The following BPIFB6 variants were observed in gnomAD, a reference collection of about 807,000 sequenced individuals.
The protein encoded by BPIFB6 is BPI fold containing family B member 6, also known as BPI fold-containing family B member 6.
Under a neutral mutation model 54.7 loss-of-function variants are expected in BPIFB6, and 47 were observed. The observed-to-expected ratio is 0.86, with a 90% CI of 0.68 to 1.10. The LOEUF (loss-of-function observed/expected upper bound fraction) is 1.10, where lower values mean the gene tolerates loss of function less well. Among genes scored for constraint, BPIFB6 ranks in the 50% least tolerant of loss-of-function variants. BPIFB6 has a pLI of 0.00. For synonymous variants in BPIFB6, 255 were observed against 225.9 expected (o/e 1.13, Z -1.16); for missense variants, 603 against 564.1 (o/e 1.07, Z -0.70).
chr20:33,040,316 C>T lies in BPIFB6; in HGVS notation c.1140C>T (p.Asp380=). The change falls in exon 11 of 15, where the codon GAC becomes GAT. Residue 380 remains aspartate, a splice_region_variant and synonymous_variant. Transcript: ENST00000349552. ...ENQLQMATSL[D]RLLSLSRKSS... is the part of the protein sequence containing the mutation. ...AGCTGCAGATGGCCACTTCTTTGGACAGGTACGACCCTGCTGCCCAATGCT... is the reference window on the plus strand; with the variant it reads ...AGCTGCAGATGGCCACTTCTTTGGATAGGTACGACCCTGCTGCCCAATGCT... The T allele has an allele frequency of 1.2e-6, 2 of 1,613,920 alleles. No homozygotes were observed. The highest frequency in any genetic ancestry group is 8.5e-7 in the Non-Finnish European group (1 of 1,179,824).
At chr20:33,041,125 G>A (rs7271509) in intron 11 of BPIFB6, among the ~76,000 whole-genome samples, 1 of 151,900 alleles carries the variant, frequency 6.6e-6, no homozygotes, top group Non-Finnish European at 1.5e-5. Flanking sequence ...GAGTAGCTGA[G>A]ACTACAGGCG....
At chr20:33,042,930 A>G in intron 13 of BPIFB6, 52 bp downstream of exon 13, 1 of 1,553,474 alleles carries the variant, frequency 6.4e-7, no homozygotes, top group Non-Finnish European at 8.9e-7. Context: ...ACTTTAAGCA[A>G]TAAGGGATGC....
At chr20:33,033,752 T>C in intron 2 of BPIFB6, 1 of 430,394 alleles carries the variant, frequency 2.3e-6, no homozygotes, top group South Asian at 1.7e-5. Context: ...GGGGGAATGC[T>C]ACTGGCATCT....
intron 8 of BPIFB6, among the ~76,000 whole-genome samples, chr20:33,038,623 C>T (rs1181844100): frequency 1.3e-5 from 2 of 152,192 alleles, no homozygotes; most frequent in African/African-American, 4.8e-5. Flanking sequence ...TATGTCTACC[C>T]ATCCCCTTTA....
rs1450111809 is a variant in BPIFB6 at position 33,043,369 on chromosome 20, T to C, written c.1329+2T>C. 1 of 1,613,876 alleles carries C rather than the reference T, an allele frequency of 6.2e-7. No individual in the cohort carries two copies. Among genetic ancestry groups the C allele is most frequent in the Non-Finnish European group, 8.5e-7 (1 of 1,179,848 alleles). ...CTGGCTGAGCTGGACATAGTAGAGG[T>C]GAGAGGAGGGGCTAGGGGAGGTCAT... On this transcript the variant is annotated splice_donor_variant, in intron 14 of 14. Coordinates refer to ENST00000349552, the MANE Select transcript of BPIFB6 (RefSeq NM_174897.2). LOFTEE classifies it high-confidence loss of function.
chr20:33,041,653 C>A (rs879479441), intron 11 of BPIFB6, among the ~76,000 whole-genome samples: 1 of 152,102 alleles, frequency 6.6e-6, no homozygotes, highest in Non-Finnish European at 1.5e-5. Context: ...TGAGACTGCC[C>A]AGTTGGGCTG....
At chr20:33,038,562 C>T (rs1979441814) in intron 8 of BPIFB6, among the ~76,000 whole-genome samples, 1 of 152,176 alleles carries the variant, frequency 6.6e-6, no homozygotes, top group Non-Finnish European at 1.5e-5. Context: ...ACCCATTTAC[C>T]CACTCCTCTG....
chr20:33,042,985 A>C (rs541814856), intron 13 of BPIFB6, 107 bp downstream of exon 13: 10 of 996,674 alleles, frequency 1.0e-5, no homozygotes, highest in African/African-American at 1.6e-5. Context: ...CAGATGGGGG[A>C]AGCTAAAAGG....
intron 7 of BPIFB6, among the ~76,000 whole-genome samples, chr20:33,037,272 C>G (rs186631055): frequency 6.6e-6 from 1 of 152,276 alleles, no homozygotes; most frequent in South Asian, 2.1e-4. Context: ...AATCATGTTC[C>G]GAATAAATGA....
chr20:33,035,232 C>T, intron 5 of BPIFB6, 88 bp downstream of exon 5: 2 of 1,348,290 alleles, frequency 1.5e-6, no homozygotes, highest in South Asian at 1.2e-5. Context: ...GGGTGCTGAC[C>T]CTGATTGACT....
chr20:33,036,601 C>T, intron 7 of BPIFB6, 65 bp downstream of exon 7: 2 of 1,434,706 alleles, frequency 1.4e-6, no homozygotes, highest in Non-Finnish European at 2.0e-6. Flanking sequence ...GTGGGTGATG[C>T]TTCTGCCAGG....
intron 4 of BPIFB6, 48 bp from the exon 5 acceptor site, chr20:33,035,033 T>C (rs6059033): frequency 0.41 from 653,838 of 1,609,500 alleles, 138,803 homozygotes; most frequent in East Asian, 0.76. Flanking sequence ...CCTAAATTCC[T>C]GCACTGGTGC....
At chr20:33,043,149 G>C in intron 13 of BPIFB6, 142 bp from the exon 14 acceptor site, 1 of 792,042 alleles carries the variant, frequency 1.3e-6, no homozygotes. Flanking sequence ...TGCAAATCAG[G>C]CTTATTAGCT....
intron 12 of BPIFB6, 107 bp downstream of exon 12, chr20:33,042,122 G>A: frequency 8.5e-7 from 1 of 1,179,656 alleles, no homozygotes; most frequent in Non-Finnish European, 1.2e-6. Context: ...GATGAACAGA[G>A]CAAGGCCACT....
At chr20:33,034,322 G>C in intron 3 of BPIFB6, 32 bp downstream of exon 3, 1 of 1,448,784 alleles carries the variant, frequency 6.9e-7, no homozygotes, top group Non-Finnish European at 9.7e-7. Context: ...CAGCGGGGAG[G>C]AGAACGGCCT....
At chr20:33,039,221 TG>T in intron 9 of BPIFB6, 125 bp from the exon 10 acceptor site, 2 of 1,037,372 alleles carry the variant, frequency 1.9e-6, no homozygotes, top group Non-Finnish European at 2.8e-6. Flanking sequence ...AGACACATCC[TG>T]GCCTTTGCAT....
chr20:33,035,801 T>G (rs962910076), intron 6 of BPIFB6, 129 bp downstream of exon 6: 1 of 968,486 alleles, frequency 1.0e-6, no homozygotes, highest in African/African-American at 1.6e-5. Flanking sequence ...CTTGAGGTCA[T>G]GATGTTCATC....
Position 33,031,699 on chromosome 20 carries a change from G to A in BPIFB6, c.52G>A (p.Ala18Thr). 6.2e-7 allele frequency: 1 copy of A among 1,614,126 alleles called. No homozygotes were observed. Among genetic ancestry groups the A allele is most frequent in the Non-Finnish European group, 8.5e-7 (1 of 1,180,020 alleles). ...CTGCAGCCTGCTGACTGGCACGCGA[G>A]CTGACCCTGGGGCACTGCTGCGGTT... ...ALCSLLTGTR[A>T]DPGALLRLGM... The change falls in exon 1 of 15, where the codon GCT becomes ACT. Residue 18 changes from alanine (A) to threonine (T), a missense_variant. Ala to Thr is a moderately conservative substitution (Grantham distance 58, BLOSUM62 0). Transcript: ENST00000349552.
intron 12 of BPIFB6, among the ~76,000 whole-genome samples, 200 bp downstream of exon 12, chr20:33,042,215 A>AGAAAAG (rs1176608248): frequency 1.3e-5 from 2 of 152,210 alleles, no homozygotes; most frequent in Non-Finnish European, 2.9e-5. Context: ...TTTTCTGGAT[A>AGAAAAG]GAATCTGGAC....
Sources: gnomAD v4.1 joint callset for allele counts (sites outside exome capture counted in the v4.1 genomes callset) on GRCh38, gnomAD v4.1.1 for gene constraint, MANE v1.5 for transcripts, NCBI Gene and HGNC (gene_info 2026-07-23, HGNC 2026-07-21) for gene names.